TBC1D2: variants seen among roughly 807,000 people sequenced by gnomAD.
The protein encoded by TBC1D2 is TBC1 domain family member 2A.
TBC1D2 carries 58 observed loss-of-function variants against 91.1 expected under a neutral mutation model. That is an observed-to-expected ratio of 0.64 (90% CI 0.52 to 0.79). TBC1D2 has a LOEUF of 0.79. Among genes scored for constraint, TBC1D2 ranks in the 30% least tolerant of loss-of-function variants. TBC1D2 has a pLI of 0.00. For synonymous variants in TBC1D2, 482 were observed against 511.5 expected, an observed-to-expected ratio of 0.94 and a Z score of 0.78; for missense variants, 1,080 against 1,208.3, an observed-to-expected ratio of 0.89 and a Z score of 1.57.
At position 98,201,849 on chromosome 9, in the gene TBC1D2, A is replaced by G. The variant is rs568316341; in HGVS notation, c.2272-185T>C. On this transcript the variant is annotated intron_variant, in intron 10 of 12. Coordinates refer to ENST00000465784, the MANE Select transcript of TBC1D2 (RefSeq NM_001267571.2). Reference sequence around the variant, plus strand: ...CTAGCTGGGAGTCAGGTACAGCATCATATCACTCCGCTGCTCCTAATATAG... The same window carrying G: ...CTAGCTGGGAGTCAGGTACAGCATCGTATCACTCCGCTGCTCCTAATATAG... Among the ~76,000 whole-genome samples, 9 of 152,254 alleles carry G rather than the reference A, an allele frequency of 5.9e-5. No individual in the cohort carries two copies. The South Asian group carries it at 1.9e-3, about 32-fold the overall frequency.
intron 5 of TBC1D2, among the ~76,000 whole-genome samples, chr9:98,227,389 T>A (rs1564248315): frequency 6.6e-6 from 1 of 152,152 alleles, no homozygotes; most frequent in Non-Finnish European, 1.5e-5. Flanking sequence ...AATAAACACA[T>A]GAGTTAAGAA....
At chr9:98,231,295 T>TTTA (rs1402302735) in intron 4 of TBC1D2, among the ~76,000 whole-genome samples, 1 of 149,920 alleles carries the variant, frequency 6.7e-6, no homozygotes, top group African/African-American at 2.5e-5. Context: ...TTTTTTTTTT[T>TTTA]TTTTTTTTTA....
intron 6 of TBC1D2, among the ~76,000 whole-genome samples, chr9:98,220,270 C>T (rs1829062641): frequency 6.6e-6 from 1 of 152,194 alleles, no homozygotes; most frequent in Admixed American, 6.5e-5. Flanking sequence ...AGGGGGAGCA[C>T]ACCAGCGGCT....
intron 5 of TBC1D2, among the ~76,000 whole-genome samples, chr9:98,224,136 G>T (rs1829167959): frequency 6.6e-6 from 1 of 151,452 alleles, no homozygotes; most frequent in African/African-American, 2.4e-5. Context: ...GGCGGAGCTG[G>T]CAGTGAGCTG....
At chr9:98,227,618 A>G (rs1244945404) in intron 5 of TBC1D2, among the ~76,000 whole-genome samples, 1 of 151,832 alleles carries the variant, frequency 6.6e-6, no homozygotes, top group East Asian at 1.9e-4. Context: ...ACAAAAACCA[A>G]AAAACAAAAA....
chr9:98,206,052 G>A (rs1215237252), intron 9 of TBC1D2, among the ~76,000 whole-genome samples: 3 of 152,090 alleles, frequency 2.0e-5, no homozygotes, highest in East Asian at 1.9e-4. Flanking sequence ...GCAGTGGTGC[G>A]ATCTCGGCTC....
intron 2 of TBC1D2, among the ~76,000 whole-genome samples, chr9:98,245,709 G>A (rs1829750784): frequency 6.6e-6 from 1 of 151,924 alleles, no homozygotes; most frequent in African/African-American, 2.4e-5. Flanking sequence ...GTATTTTACT[G>A]TTTTTTTTCC....
At chr9:98,213,082 G>A (rs751508843) in intron 7 of TBC1D2, 26 bp downstream of exon 7, 42 of 1,612,796 alleles carry the variant, frequency 2.6e-5, no homozygotes, top group African/African-American at 4.0e-5. Context: ...GGATGGAGAC[G>A]GCTGGAATAG....
At chr9:98,232,342 G>GTTTTTTATTTTTTTTTTTTTTTTTTTTTT (rs1829390909) in intron 4 of TBC1D2, among the ~76,000 whole-genome samples, 1 of 86,774 alleles carries the variant, frequency 1.2e-5, no homozygotes, top group Non-Finnish European at 2.4e-5. Context: ...CTCTTTTTCT[G>GTTTTTTATTTTTTTTTTTTTTTTTTTTTT]TTTTTTTTTT....
chr9:98,253,286 T>G (rs965231952), intron 1 of TBC1D2, among the ~76,000 whole-genome samples: 1 of 152,134 alleles, frequency 6.6e-6, no homozygotes, highest in Non-Finnish European at 1.5e-5. Flanking sequence ...AACCAGGCAG[T>G]CAGCCAGTTA....
At chr9:98,235,493 A>T in intron 3 of TBC1D2, 1 of 450,304 alleles carries the variant, frequency 2.2e-6, no homozygotes, top group Non-Finnish European at 4.4e-6. Flanking sequence ...CTACTATTCA[A>T]TTTTTTGCAA....
chr9:98,246,108 G>C (rs995904363), intron 2 of TBC1D2, among the ~76,000 whole-genome samples: 3 of 152,116 alleles, frequency 2.0e-5, no homozygotes, highest in African/African-American at 7.2e-5. Context: ...GAAATATTTA[G>C]AAATTAACTT....
chr9:98,208,359 TA>T (rs1223132169), intron 9 of TBC1D2, among the ~76,000 whole-genome samples: 4 of 151,718 alleles, frequency 2.6e-5, no homozygotes, highest in Non-Finnish European at 4.4e-5. Context: ...TGGACTGGGG[TA>T]GGGGAGGGGT....
intron 2 of TBC1D2, among the ~76,000 whole-genome samples, chr9:98,249,036 C>A (rs531476949): frequency 1.3e-5 from 2 of 152,292 alleles, no homozygotes; most frequent in East Asian, 3.9e-4. Flanking sequence ...GGGAGCGGGC[C>A]GCTGCTTCCT....
chr9:98,208,719 A>G lies in TBC1D2; in HGVS notation c.2099T>C (p.Leu700Pro), dbSNP rs1828724507. The change falls in exon 9 of 13, where the codon CTG (leucine) becomes CCG (proline). Residue 700 changes from leucine (L) to proline (P), a missense_variant. Physicochemically the swap from Leu to Pro is moderately conservative, Grantham distance 98. Coordinates refer to ENST00000465784, the MANE Select transcript of TBC1D2 (RefSeq NM_001267571.2). ...SFPDKLRRVL[L>P]AFSWQNPTIG... The stretch of plus-strand genomic sequence containing the variant: ...GGTGGGGTTCTGCCAGGAGAAGGCC[A>G]GCAGCACCCGGCGGAGCTTGTCGGG... 2 of 1,549,404 alleles carry G rather than the reference A, an allele frequency of 1.3e-6. No individual in the cohort carries two copies. Among genetic ancestry groups the G allele is most frequent in the Non-Finnish European group, 1.7e-6 (2 of 1,144,194 alleles).
At chr9:98,199,755 T>C (rs1189905479) in intron 12 of TBC1D2, among the ~76,000 whole-genome samples, 167 bp from the exon 13 acceptor site, 2 of 151,864 alleles carry the variant, frequency 1.3e-5, no homozygotes, top group Admixed American at 6.6e-5. Flanking sequence ...CACAGAGATA[T>C]GTACTGAGGC....
chr9:98,252,993 T>A lies in TBC1D2; in HGVS notation c.370-1067A>T, dbSNP rs1829902819. ...GATGCCCACCAGTGTTCTCTTTCCA[T>A]ACACTCTCTCAGAGAGACTGCAGCA... On this transcript the variant is annotated intron_variant, in intron 1 of 12. Transcript: ENST00000465784. Among the ~76,000 whole-genome samples the A allele has an allele frequency of 2.0e-5, 3 of 152,214 alleles. No homozygotes were observed. In the South Asian group the frequency reaches 6.2e-4, roughly 32 times the overall value.
chr9:98,200,509 T>C, intron 11 of TBC1D2, 135 bp from the exon 12 acceptor site: 2 of 352,462 alleles, frequency 5.7e-6, no homozygotes, highest in Admixed American at 7.9e-5. Flanking sequence ...GGAGGCACAA[T>C]GTGTGGGGAT....
intron 5 of TBC1D2, among the ~76,000 whole-genome samples, chr9:98,225,855 G>C (rs1166177015): frequency 6.6e-6 from 1 of 152,244 alleles, no homozygotes; most frequent in African/African-American, 2.4e-5. Flanking sequence ...GTTTGAGATA[G>C]AAATTCCTAA....
Sources: gnomAD v4.1 joint callset for allele counts (sites outside exome capture counted in the v4.1 genomes callset) on GRCh38, gnomAD v4.1.1 for gene constraint, MANE v1.5 for transcripts, NCBI Gene and HGNC (gene_info 2026-07-23, HGNC 2026-07-21) for gene names.